The following LRIG1 variants were observed in gnomAD, a reference collection of about 807,000 sequenced individuals.
LRIG1 encodes leucine-rich repeats and immunoglobulin-like domains protein 1.
LRIG1 carries 48 observed loss-of-function variants against 99.2 expected under a neutral mutation model. The ratio of observed to expected loss-of-function variants is 0.48; its 90% CI spans 0.38 to 0.62. The LOEUF is 0.62. Among genes scored for constraint, LRIG1 ranks in the 20% least tolerant of loss-of-function variants. The pLI is 0.00. For missense variants in LRIG1, 1,646 were observed against 1,434.4 expected (o/e 1.15, Z -2.38); for synonymous variants, 772 against 596.1 (o/e 1.29, Z -4.30).
chr3:66,445,242 CGGTTT>C (rs1703676153), intron 3 of LRIG1, among the ~76,000 whole-genome samples: 1 of 151,470 alleles, frequency 6.6e-6, no homozygotes, highest in Non-Finnish European at 1.5e-5. Context: ...TTTACACTGA[CGGTTT>C]ACTTTTACCC....
At chr3:66,455,218 T>A (rs368617777) in intron 2 of LRIG1, among the ~76,000 whole-genome samples, 1 of 152,234 alleles carries the variant, frequency 6.6e-6, no homozygotes, top group Non-Finnish European at 1.5e-5. Flanking sequence ...GTGCTGAGAT[T>A]ACAGGCGTGA....
chr3:66,383,556 A>G (rs1701212664), intron 14 of LRIG1, among the ~76,000 whole-genome samples, 155 bp from the exon 15 acceptor site: 1 of 152,198 alleles, frequency 6.6e-6, no homozygotes. Flanking sequence ...CCTTCAACTC[A>G]TTGACTGAGT....
chr3:66,382,421 G>C (rs9868503), intron 15 of LRIG1, 23 bp from the exon 16 acceptor site: 9 of 1,613,924 alleles, frequency 5.6e-6, no homozygotes, highest in African/African-American at 4.0e-5. Flanking sequence ...AGAACAAATA[G>C]AACACCAGGG....
At chr3:66,402,168 G>C (rs778445690) in intron 9 of LRIG1, among the ~76,000 whole-genome samples, 1 of 152,166 alleles carries the variant, frequency 6.6e-6, no homozygotes, top group Non-Finnish European at 1.5e-5. Flanking sequence ...TGGGCAGGAA[G>C]TCGCATACCC....
chr3:66,429,149 C>G (rs1043694457), intron 3 of LRIG1, among the ~76,000 whole-genome samples: 1 of 152,234 alleles, frequency 6.6e-6, no homozygotes, highest in Non-Finnish European at 1.5e-5. Context: ...CCATTAACTC[C>G]TTGCAAAGAC....
chr3:66,404,339 C>T (rs1324014839), intron 9 of LRIG1: 8 of 1,286,446 alleles, frequency 6.2e-6, no homozygotes, highest in African/African-American at 6.1e-5. Flanking sequence ...CTGGGGGAAT[C>T]GAGCGGCAGC....
chr3:66,480,577 C>T (rs9871313), intron 1 of LRIG1, among the ~76,000 whole-genome samples: 6,699 of 152,036 alleles, frequency 0.044, 502 homozygotes, highest in African/African-American at 0.15. Flanking sequence ...AAAGAACTGC[C>T]CCTCTACGTG....
chr3:66,425,110 G>A (rs1168283286), intron 3 of LRIG1, among the ~76,000 whole-genome samples: 1 of 152,186 alleles, frequency 6.6e-6, no homozygotes, highest in Admixed American at 6.5e-5. Context: ...AAGTCTGCTG[G>A]AGCTTGCCCA....
intron 1 of LRIG1, among the ~76,000 whole-genome samples, chr3:66,492,869 C>T (rs1321981560): frequency 1.3e-5 from 2 of 152,136 alleles, no homozygotes; most frequent in African/African-American, 2.4e-5. Context: ...TGAATCATGG[C>T]CATTCACTGG....
chr3:66,440,858 A>C (rs1703514392), intron 3 of LRIG1, among the ~76,000 whole-genome samples: 1 of 152,238 alleles, frequency 6.6e-6, no homozygotes, highest in South Asian at 2.1e-4. Flanking sequence ...CAGGTGACAT[A>C]GCAAAGGTGA....
Position 66,434,820 on chromosome 3 carries a change from A to G in LRIG1, c.365+16739T>C, listed in dbSNP as rs547099105. 1.3e-5 allele frequency among the ~76,000 whole-genome samples: 2 copies of G among 152,116 alleles called. 1 individual carries two copies. Among genetic ancestry groups the G allele is most frequent in the South Asian group, 4.2e-4 (2 of 4,814 alleles). On this transcript the variant is annotated intron_variant, in intron 3 of 18. Coordinates refer to ENST00000273261, the MANE Select transcript of LRIG1 (RefSeq NM_015541.3). ...ATAATGTGGAGAAACGGAATTGCCT[A>G]TACACTGCCGGTAGAAATGTCAAAT...
chr3:66,408,065 C>A (rs1377932228), intron 7 of LRIG1, among the ~76,000 whole-genome samples: 1 of 152,214 alleles, frequency 6.6e-6, no homozygotes, highest in Non-Finnish European at 1.5e-5. Flanking sequence ...GACCTCAGAG[C>A]ATGATCCCCT....
At chr3:66,488,140 G>C (rs975454168) in intron 1 of LRIG1, among the ~76,000 whole-genome samples, 1 of 152,122 alleles carries the variant, frequency 6.6e-6, no homozygotes, top group African/African-American at 2.4e-5. Context: ...TCGAAGAAAA[G>C]TGGACATCCA....
intron 2 of LRIG1, among the ~76,000 whole-genome samples, chr3:66,455,669 G>A (rs549816966): frequency 1.3e-5 from 2 of 152,172 alleles, no homozygotes; most frequent in Non-Finnish European, 2.9e-5. Flanking sequence ...CGTTGAAACT[G>A]TAGTTGGTTT....
In LRIG1 at chr3:66,384,207, C is replaced by T. The variant is rs140303911; in HGVS notation, c.1855G>A (p.Glu619Lys). ...TIRTTTMARLECAATGHPNPQ... is the reference protein window; with the variant it reads ...TIRTTTMARLKCAATGHPNPQ... ...TTTGGGTGACCTGTGGCAGCACATTCGAGGCGGGCCATGGTGGTGGTCCGG... is the reference window on the plus strand; with the variant it reads ...TTTGGGTGACCTGTGGCAGCACATTTGAGGCGGGCCATGGTGGTGGTCCGG... Residue 619 changes from glutamate to lysine, a missense_variant, in exon 14 of 19, where the codon GAA becomes AAA. Physicochemically the swap from Glu to Lys is moderately conservative, Grantham distance 56. Transcript: ENST00000273261. The T allele has an allele frequency of 2.5e-6, 4 of 1,613,950 alleles. No individual in the cohort carries two copies. Among genetic ancestry groups the T allele is most frequent in the South Asian group, 1.1e-5 (1 of 91,078 alleles).
intron 2 of LRIG1, among the ~76,000 whole-genome samples, chr3:66,456,020 C>T (rs1700213755): frequency 6.6e-6 from 1 of 152,306 alleles, no homozygotes; most frequent in East Asian, 1.9e-4. Flanking sequence ...AGAAAGGAAA[C>T]TGAGGCACAG....
chr3:66,410,275 G>GC lies in LRIG1; in HGVS notation c.792-4dup. 7 of 1,601,120 alleles carry GC rather than the reference G, an allele frequency of 4.4e-6. No homozygotes were observed. The highest frequency in any genetic ancestry group is 6.0e-6 in the Non-Finnish European group (7 of 1,173,960). On this transcript the variant is annotated splice_polypyrimidine_tract_variant and splice_region_variant and intron_variant, in intron 6 of 18. Transcript: ENST00000273261. ...CCAGGCTGTTGTACTCCAGGTGCCT[G>GC]CAATGACAGCCATGCACAGGATGAA...
At chr3:66,423,991 G>C (rs989996511) in intron 3 of LRIG1, among the ~76,000 whole-genome samples, 1 of 152,196 alleles carries the variant, frequency 6.6e-6, no homozygotes, top group South Asian at 2.1e-4. Flanking sequence ...ACTGGTTCTT[G>C]TCTACTCTTC....
At chr3:66,399,235 G>C (rs563031204) in intron 9 of LRIG1, among the ~76,000 whole-genome samples, 194 bp from the exon 10 acceptor site, 1 of 152,324 alleles carries the variant, frequency 6.6e-6, no homozygotes, top group African/African-American at 2.4e-5. Context: ...TCCCCTTTCT[G>C]AAATGAAATA....
Sources: gnomAD v4.1 joint callset for allele counts (sites outside exome capture counted in the v4.1 genomes callset) on GRCh38, gnomAD v4.1.1 for gene constraint, MANE v1.5 for transcripts, NCBI Gene and HGNC (gene_info 2026-07-23, HGNC 2026-07-21) for gene names.